RSL1D1: variants seen among roughly 807,000 people sequenced by gnomAD.
The protein encoded by RSL1D1 is ribosomal L1 domain containing 1, also known as ribosomal L1 domain-containing protein 1.
In RSL1D1, 34 loss-of-function variants were observed where a neutral mutation model predicts 44.6. The ratio of observed to expected loss-of-function variants is 0.76; its 90% CI spans 0.58 to 1.02. The LOEUF is 1.02. RSL1D1 is among the 50% of genes least tolerant of loss of function. The pLI is 0.00. For missense variants in RSL1D1, 767 were observed against 568.1 expected, an observed-to-expected ratio of 1.35 and a Z score of -3.56; for synonymous variants, 271 against 207.4, an observed-to-expected ratio of 1.31 and a Z score of -2.63.
rs2053707682 is a variant in RSL1D1 at position 11,835,175 on chromosome 16, G to C, written c.*2612C>G. ...GGCTAGACTCCTCTAATTTCAGGGA[G>C]AGCTAGATGTTTTTTTTTTTCTCTT... On this transcript the variant is annotated 3_prime_UTR_variant, in exon 9 of 9. Transcript: ENST00000571133. 2 of 151,924 alleles carry C rather than the reference G, an allele frequency of 1.3e-5. No homozygotes were observed. The highest frequency in any genetic ancestry group is 1.3e-4 in the Admixed American group (2 of 15,224). 9.4% of individuals were successfully genotyped at this position (151,924 alleles called of 1,614,324 possible).
rs2053729477 is a variant in RSL1D1, at chr16:11,837,428, G to C, written c.*359C>G. 1 of 176,946 alleles carries C rather than the reference G, an allele frequency of 5.7e-6. No homozygotes were observed. The highest frequency in any genetic ancestry group is 1.2e-5 in the Non-Finnish European group (1 of 83,392). 11.0% of individuals were successfully genotyped at this position (176,946 alleles called of 1,614,324 possible). On this transcript the variant is annotated 3_prime_UTR_variant, in exon 9 of 9. Transcript: ENST00000571133. ...TCAGGCTGGAGTGCAGTGGCTCACT[G>C]CAACCTCCGCCTCCCAGGTTCAAGC...
At chr16:11,847,497 C>G (rs2053807311) in intron 3 of RSL1D1, 171 bp downstream of exon 3, 7 of 592,044 alleles carry the variant, frequency 1.2e-5, no homozygotes, top group East Asian at 5.7e-5. Context: ...CGAGCCACCT[C>G]TTTTATAATT....
rs2053703114 is a variant in RSL1D1 at position 11,834,421 on chromosome 16, A to C, written c.*3366T>G. On this transcript the variant is annotated 3_prime_UTR_variant, in exon 9 of 9. Transcript: ENST00000571133. ...GAGAACATTATTAGAATGAAACTAGATGCAAGAACAGGAAAGTAAACACCT... is the reference window on the plus strand; with the variant it reads ...GAGAACATTATTAGAATGAAACTAGCTGCAAGAACAGGAAAGTAAACACCT... The C allele has an allele frequency of 6.6e-6, 1 of 152,274 alleles. No individual in the cohort carries two copies. Among genetic ancestry groups the C allele is most frequent in the South Asian group, 2.1e-4 (1 of 4,836 alleles). The allele number at this position is 152,274 out of a possible 1,614,324, so 9.4% of individuals were successfully genotyped here.
chr16:11,851,275 G>A, intron 1 of RSL1D1, 133 bp downstream of exon 1: 1 of 827,356 alleles, frequency 1.2e-6, no homozygotes, highest in Admixed American at 1.8e-5. Flanking sequence ...GACAGCTGAG[G>A]CACACGGCCC....
chr16:11,840,019 G>C (rs1290368511), intron 7 of RSL1D1, 34 bp from the exon 8 acceptor site: 3 of 1,600,928 alleles, frequency 1.9e-6, no homozygotes. Context: ...ATTTTAGCAG[G>C]AACAGTTCTG....
chr16:11,837,574 C>G lies in RSL1D1; in HGVS notation c.*213G>C. On this transcript the variant is annotated 3_prime_UTR_variant, in exon 9 of 9. Coordinates refer to ENST00000571133, the MANE Select transcript of RSL1D1 (RefSeq NM_015659.3). ...CCATGTTGGCCAGGATGGTCTCGAT[C>G]TCGTTGACCTTGTGATCCGCCTGCC... 6.1e-6 allele frequency: 3 copies of G among 494,862 alleles called. No individual in the cohort carries two copies. The highest frequency in any genetic ancestry group is 7.5e-5 in the Admixed American group (2 of 26,672). 30.7% of individuals were successfully genotyped at this position (494,862 alleles called of 1,614,324 possible).
chr16:11,850,429 G>A lies in RSL1D1; in HGVS notation c.106-11C>T, dbSNP rs762979729. The A allele has an allele frequency of 6.3e-7, 1 of 1,586,226 alleles. No individual in the cohort carries two copies. The highest frequency in any genetic ancestry group is 1.2e-5 in the South Asian group (1 of 85,116). The stretch of plus-strand genomic sequence containing the variant: ...CACTGCCTTTCTAACCTGCAAAGTG[G>A]AAATTAGACAAATAAGTGAAATGTT... On this transcript the variant is annotated splice_polypyrimidine_tract_variant and intron_variant, in intron 1 of 8. Coordinates refer to ENST00000571133, the MANE Select transcript of RSL1D1 (RefSeq NM_015659.3).
intron 2 of RSL1D1, 105 bp from the exon 3 acceptor site, chr16:11,847,911 T>A: frequency 1.7e-6 from 2 of 1,202,266 alleles, no homozygotes; most frequent in Non-Finnish European, 2.4e-6. Flanking sequence ...TAAATAACTT[T>A]TAGTCATGCT....
intron 1 of RSL1D1, chr16:11,851,167 T>C (rs570843334): frequency 1.8e-6 from 1 of 569,896 alleles, no homozygotes; most frequent in African/African-American, 1.9e-5. Context: ...GCCAGGTCTA[T>C]CTCATCTAGC....
chr16:11,846,664 G>A, intron 4 of RSL1D1, 31 bp downstream of exon 4: 2 of 1,612,568 alleles, frequency 1.2e-6, no homozygotes, highest in South Asian at 1.1e-5. Context: ...GCTTCATGCT[G>A]CTAAAGTCCA....
rs1380303445 is a variant in RSL1D1 at position 11,836,244 on chromosome 16, C to T, written c.*1543G>A. 6.6e-6 allele frequency: 1 copy of T among 152,208 alleles called. No homozygotes were observed. The allele number at this position is 152,208 out of a possible 1,614,324, so 9.4% of individuals were successfully genotyped here. On this transcript the variant is annotated 3_prime_UTR_variant, in exon 9 of 9. Coordinates refer to ENST00000571133, the MANE Select transcript of RSL1D1 (RefSeq NM_015659.3). Reference sequence around the variant, plus strand: ...TCCCGATGGTCTGCTGGTCCTACTTCTCTCTCAAACTGTCTTTTTCTCAAT... The same window carrying T: ...TCCCGATGGTCTGCTGGTCCTACTTTTCTCTCAAACTGTCTTTTTCTCAAT...
At chr16:11,840,288 G>C (rs1283431371) in intron 7 of RSL1D1, among the ~76,000 whole-genome samples, 4 of 152,192 alleles carry the variant, frequency 2.6e-5, no homozygotes, top group Non-Finnish European at 5.9e-5. Flanking sequence ...ATACTCAGCT[G>C]GGCGCGGTGG....
chr16:11,851,125 A>G (rs1309579732), intron 1 of RSL1D1: 1 of 494,926 alleles, frequency 2.0e-6, no homozygotes, highest in African/African-American at 1.9e-5. Flanking sequence ...CGATTCGGTC[A>G]AGCGCTAATG....
chr16:11,847,544 C>T, intron 3 of RSL1D1, 124 bp downstream of exon 3: 2 of 860,916 alleles, frequency 2.3e-6, no homozygotes, highest in Non-Finnish European at 3.6e-6. Context: ...CACGCCACCA[C>T]AAATTAAATT....
intron 8 of RSL1D1, among the ~76,000 whole-genome samples, 168 bp downstream of exon 8, chr16:11,839,527 A>T (rs1040849605): frequency 4.5e-5 from 1 of 22,412 alleles, no homozygotes; most frequent in African/African-American, 1.4e-4. Flanking sequence ...GATCCCATCT[A>T]AAAAAAAAAA....
At position 11,849,360 on chromosome 16, in the gene RSL1D1, C is replaced by G. The variant is rs934249033; in HGVS notation, c.245+919G>C. The G allele has an allele frequency of 5.4e-5, 8 of 147,820 alleles. No homozygotes were observed. The Admixed American group carries it at 5.5e-4, about 10-fold the overall frequency. The allele number at this position is 147,820 out of a possible 1,614,324, so 9.2% of individuals were successfully genotyped here. A position where few individuals can be genotyped will look rare whatever the true frequency, so the allele number is the denominator to read the frequency against. On this transcript the variant is annotated intron_variant, in intron 2 of 8. Transcript: ENST00000571133. ...CACAGATCTCACTATTGTACTCCAG[C>G]TGGGCAACAGCGCAAGATCTCGTCT... is the stretch of plus-strand genomic sequence containing the variant.
At position 11,841,675 on chromosome 16, in the gene RSL1D1, G is replaced by C; in HGVS notation, c.855+20C>G. 6.2e-7 allele frequency: 1 copy of C among 1,600,142 alleles called. No individual in the cohort carries two copies. The highest frequency in any genetic ancestry group is 8.5e-7 in the Non-Finnish European group (1 of 1,170,512). Reference sequence around the variant, plus strand: ...ACACCCTTCATTATTCATTCTGTAAGTATTTAAAATTCTACTAACTTTTTT... The same window carrying C: ...ACACCCTTCATTATTCATTCTGTAACTATTTAAAATTCTACTAACTTTTTT... On this transcript the variant is annotated intron_variant, in intron 7 of 8. Coordinates refer to ENST00000571133, the MANE Select transcript of RSL1D1 (RefSeq NM_015659.3).
chr16:11,850,188 A>C, intron 2 of RSL1D1, 91 bp downstream of exon 2: 1 of 1,281,396 alleles, frequency 7.8e-7, no homozygotes, highest in Non-Finnish European at 1.1e-6. Context: ...TAAGTTTGCA[A>C]AGTTTCCATT....
intron 5 of RSL1D1, among the ~76,000 whole-genome samples, chr16:11,843,514 A>G (rs1359743450): frequency 6.6e-6 from 1 of 151,920 alleles, no homozygotes; most frequent in Non-Finnish European, 1.5e-5. Flanking sequence ...ACCTACCTCC[A>G]GGAGGGTCAC....
Sources: gnomAD v4.1 joint callset for allele counts (sites outside exome capture counted in the v4.1 genomes callset) on GRCh38, gnomAD v4.1.1 for gene constraint, MANE v1.5 for transcripts, NCBI Gene and HGNC (gene_info 2026-07-23, HGNC 2026-07-21) for gene names.